The following LYPLAL1 variants were observed in gnomAD, a reference collection of about 807,000 sequenced individuals.
LYPLAL1 encodes the protein lysophospholipase-like protein 1.
In LYPLAL1, 23 loss-of-function variants were observed where a neutral mutation model predicts 19.7. That is an observed-to-expected ratio of 1.17 (90% confidence interval 0.84 to 1.65). The LOEUF (loss-of-function observed/expected upper bound fraction) is 1.65, where lower values mean the gene tolerates loss of function less well. LYPLAL1 is among the 40% of genes most tolerant of loss of function. The pLI, the probability that LYPLAL1 is intolerant of heterozygous loss-of-function variation, is 0.00. For missense variants in LYPLAL1, 355 were observed against 279.4 expected, an observed-to-expected ratio of 1.27 and a Z score of -1.93; for synonymous variants, 119 against 96.3, an observed-to-expected ratio of 1.24 and a Z score of -1.38.
the LYPLAL1 span, among the ~76,000 whole-genome samples, chr1:219,404,703 C>G: frequency 6.6e-6 from 1 of 152,156 alleles, no homozygotes; most frequent in African/African-American, 2.4e-5. Context: ...TCCTAGTGTA[C>G]AGTAGCACAC....
chr1:219,175,978 G>C lies in LYPLAL1; in HGVS notation c.91+1997G>C, dbSNP rs558470948. 5.9e-4 allele frequency among the ~76,000 whole-genome samples: 90 copies of C among 152,270 alleles called. 2 individuals carry two copies. In the South Asian group the frequency reaches 0.018, roughly 31 times the overall value. On this transcript the variant is annotated intron_variant, in intron 1 of 4. Coordinates refer to ENST00000366928, the MANE Select transcript of LYPLAL1 (RefSeq NM_138794.5). ...TTTTTAAAAAGTGGACATTGGGAAT[G>C]GATAGATGTTGTTTTGCAGCTGCAT... is the stretch of plus-strand genomic sequence containing the variant.
chr1:219,370,259 C>G, the LYPLAL1 span, among the ~76,000 whole-genome samples: 1 of 152,194 alleles, frequency 6.6e-6, no homozygotes, highest in Admixed American at 6.5e-5. Flanking sequence ...TTATTTCACC[C>G]TGCTCTCCCT....
the LYPLAL1 span, among the ~76,000 whole-genome samples, chr1:219,308,029 AATACTG>A: frequency 2.6e-5 from 4 of 152,316 alleles, no homozygotes; most frequent in Admixed American, 6.5e-5. Context: ...CTTTGACAAA[AATACTG>A]ATAATGATAT....
the LYPLAL1 span, among the ~76,000 whole-genome samples, chr1:219,399,371 G>C: frequency 6.6e-6 from 1 of 152,188 alleles, no homozygotes; most frequent in African/African-American, 2.4e-5. Flanking sequence ...CAGGGCACTG[G>C]TGGGGGTGTG....
intron 1 of LYPLAL1, 83 bp downstream of exon 1, chr1:219,174,064 G>T (rs1363525469): frequency 1.8e-5 from 28 of 1,576,048 alleles, no homozygotes; most frequent in Non-Finnish European, 2.2e-5. Flanking sequence ...CCAAGTGGAG[G>T]TGTCGCCGGG....
chr1:219,428,973 GT>G, the LYPLAL1 span, among the ~76,000 whole-genome samples: 5 of 152,168 alleles, frequency 3.3e-5, no homozygotes, highest in Non-Finnish European at 7.3e-5. Context: ...ATGCACGTGT[GT>G]GCGTATGTTT....
the LYPLAL1 span, among the ~76,000 whole-genome samples, chr1:219,338,714 C>T: frequency 6.6e-6 from 1 of 151,792 alleles, no homozygotes; most frequent in Admixed American, 6.6e-5. Context: ...GTAAATTCTA[C>T]AAAATGCACA....
At chr1:219,307,358 A>G in the LYPLAL1 span, among the ~76,000 whole-genome samples, 1 of 152,208 alleles carries the variant, frequency 6.6e-6, no homozygotes, top group African/African-American at 2.4e-5. Context: ...AGATGGTGGA[A>G]TGTGAGATGG....
rs185911761 is a variant in LYPLAL1, at chr1:219,206,877, G to A, written c.362-3655G>A. Among the ~76,000 whole-genome samples, 1,153 of 151,654 alleles carry A rather than the reference G, an allele frequency of 7.6e-3. 4 individuals are homozygous for A. Among genetic ancestry groups the A allele is most frequent in the South Asian group, 0.023 (110 of 4,808 alleles). Reference sequence around the variant, plus strand: ...AAATCTCTTTTTAATGTAAGTTTTTGCCTACTAATCTTTTATTTACATTTT... The same window carrying A: ...AAATCTCTTTTTAATGTAAGTTTTTACCTACTAATCTTTTATTTACATTTT... On this transcript the variant is annotated intron_variant, in intron 3 of 4. Transcript: ENST00000366928.
chr1:219,238,232 G>A, the LYPLAL1 span, among the ~76,000 whole-genome samples: 7 of 148,826 alleles, frequency 4.7e-5, no homozygotes, highest in African/African-American at 1.7e-4. Context: ...CCACCTCCCG[G>A]GTTCACGCCA....
At chr1:219,179,497 C>A in intron 2 of LYPLAL1, 1 of 363,808 alleles carries the variant, frequency 2.7e-6, no homozygotes, top group Non-Finnish European at 4.9e-6. Flanking sequence ...CCAAGCATGG[C>A]TTATGTAACT....
chr1:219,327,888 G>T, the LYPLAL1 span, among the ~76,000 whole-genome samples: 1 of 152,132 alleles, frequency 6.6e-6, no homozygotes, highest in Admixed American at 6.6e-5. Flanking sequence ...CCCCAGCCAC[G>T]TGAAACTGAG....
At chr1:219,413,079 A>G in the LYPLAL1 span, among the ~76,000 whole-genome samples, 1 of 152,170 alleles carries the variant, frequency 6.6e-6, no homozygotes, top group African/African-American at 2.4e-5. Flanking sequence ...TAGAGATACT[A>G]GGCAGGATGT....
the LYPLAL1 span, among the ~76,000 whole-genome samples, chr1:219,307,287 G>A: frequency 1.3e-5 from 2 of 151,960 alleles, no homozygotes; most frequent in African/African-American, 4.8e-5. Context: ...GGCTTATAAC[G>A]ATCTCCCACA....
chr1:219,399,389 G>T, the LYPLAL1 span, among the ~76,000 whole-genome samples: 1 of 152,206 alleles, frequency 6.6e-6, no homozygotes. Flanking sequence ...GTGGCTCTGT[G>T]CCAAACAAGG....
the LYPLAL1 span, among the ~76,000 whole-genome samples, chr1:219,417,887 C>T: frequency 2.0e-5 from 3 of 152,254 alleles, no homozygotes; most frequent in Non-Finnish European, 4.4e-5. Flanking sequence ...CTTAATGGAC[C>T]AAGGTGCTGA....
At chr1:219,341,578 G>A in the LYPLAL1 span, among the ~76,000 whole-genome samples, 1 of 151,982 alleles carries the variant, frequency 6.6e-6, no homozygotes, top group Non-Finnish European at 1.5e-5. Context: ...TTGTTTTAAT[G>A]TGCTGCATTT....
At chr1:219,229,275 T>A in the LYPLAL1 span, among the ~76,000 whole-genome samples, 1 of 144,024 alleles carries the variant, frequency 6.9e-6, no homozygotes, top group Non-Finnish European at 1.5e-5. Context: ...CCCATGGACA[T>A]AGGTGAGGAC....
the LYPLAL1 span, among the ~76,000 whole-genome samples, chr1:219,350,330 G>A: frequency 1.3e-5 from 2 of 151,868 alleles, no homozygotes; most frequent in Non-Finnish European, 2.9e-5. Context: ...ACGGTCTCAT[G>A]AGGCATAGAG....
Sources: gnomAD v4.1 joint callset for allele counts (sites outside exome capture counted in the v4.1 genomes callset) on GRCh38, gnomAD v4.1.1 for gene constraint, MANE v1.5 for transcripts, NCBI Gene and HGNC (gene_info 2026-07-23, HGNC 2026-07-21) for gene names.